Variants in ATG10 observed in about 807,000 individuals in gnomAD.
ATG10 encodes autophagy related 10.
Under a neutral mutation model 32.1 loss-of-function variants are expected in ATG10, and 30 were observed. The observed-to-expected ratio is 0.94, with a 90% CI of 0.70 to 1.27. The LOEUF (loss-of-function observed/expected upper bound fraction) is 1.27. Ranked by LOEUF, ATG10 falls within the 50% of genes most tolerant of loss-of-function variation. ATG10 has a pLI of 0.00. For synonymous variants in ATG10, 87 were observed against 91.5 expected (o/e 0.95, Z 0.28); for missense variants, 233 against 262.3 (o/e 0.89, Z 0.77).
intron 5 of ATG10, among the ~76,000 whole-genome samples, chr5:82,206,496 A>C (rs1413020581): frequency 6.6e-6 from 1 of 151,926 alleles, no homozygotes; most frequent in East Asian, 1.9e-4. Flanking sequence ...AAAAAATACA[A>C]AAAATTAGCC....
intron 5 of ATG10, among the ~76,000 whole-genome samples, chr5:82,194,934 C>G (rs887150165): frequency 5.9e-5 from 9 of 152,194 alleles, no homozygotes; most frequent in Non-Finnish European, 1.3e-4. Context: ...TTAAGCTAAC[C>G]TAGCTAACTT....
intron 2 of ATG10, among the ~76,000 whole-genome samples, chr5:81,989,744 G>A (rs1489178318): frequency 2.6e-5 from 4 of 151,776 alleles, no homozygotes; most frequent in African/African-American, 4.8e-5. Flanking sequence ...GACTACAGGC[G>A]CCCGCCACCA....
chr5:82,137,424 A>T (rs1248043645), intron 3 of ATG10, among the ~76,000 whole-genome samples: 4 of 151,976 alleles, frequency 2.6e-5, no homozygotes, highest in Admixed American at 6.5e-5. Context: ...GTTGATATTG[A>T]TGCTATGTTC....
intron 5 of ATG10, among the ~76,000 whole-genome samples, chr5:82,209,008 C>T (rs896332050): frequency 1.3e-5 from 2 of 151,814 alleles, no homozygotes; most frequent in Non-Finnish European, 2.9e-5. Flanking sequence ...CATATGTTAC[C>T]TTCATAAAAT....
At chr5:82,197,724 A>G (rs561216742) in intron 5 of ATG10, among the ~76,000 whole-genome samples, 1 of 52,748 alleles carries the variant, frequency 1.9e-5, no homozygotes, top group Non-Finnish European at 3.7e-5. Flanking sequence ...CTTTCTTTCT[A>G]TCTATCTATC....
At chr5:82,127,929 G>C (rs1023893119) in intron 3 of ATG10, among the ~76,000 whole-genome samples, 1 of 151,856 alleles carries the variant, frequency 6.6e-6, no homozygotes, top group African/African-American at 2.4e-5. Context: ...TCTCTTTGTA[G>C]GTCTCTAAGA....
At chr5:82,116,067 G>A (rs1581704042) in intron 3 of ATG10, among the ~76,000 whole-genome samples, 1 of 152,194 alleles carries the variant, frequency 6.6e-6, no homozygotes, top group East Asian at 1.9e-4. Flanking sequence ...TTGGCATATA[G>A]TAGACTGACA....
intron 3 of ATG10, among the ~76,000 whole-genome samples, chr5:82,084,219 A>C (rs925774227): frequency 1.3e-5 from 2 of 152,136 alleles, no homozygotes; most frequent in African/African-American, 4.8e-5. Flanking sequence ...ATCAAGTGGA[A>C]GAAAGGGTAT....
At chr5:81,994,683 G>A (rs1761609086) in intron 2 of ATG10, among the ~76,000 whole-genome samples, 1 of 152,120 alleles carries the variant, frequency 6.6e-6, no homozygotes, top group Non-Finnish European at 1.5e-5. Flanking sequence ...TTAATTTTGG[G>A]TAATCAGTTT....
At chr5:82,039,265 A>G (rs1031634357) in intron 2 of ATG10, among the ~76,000 whole-genome samples, 1 of 152,242 alleles carries the variant, frequency 6.6e-6, no homozygotes, top group South Asian at 2.1e-4. Context: ...GATTAGCAAT[A>G]TCATTCATTC....
intron 2 of ATG10, among the ~76,000 whole-genome samples, chr5:82,045,858 T>G (rs1763220370): frequency 6.6e-6 from 1 of 152,058 alleles, no homozygotes; most frequent in African/African-American, 2.4e-5. Flanking sequence ...ATCCAAGAAG[T>G]GAATATTGAA....
At chr5:82,152,921 T>C (rs1460361971) in intron 3 of ATG10, among the ~76,000 whole-genome samples, 1 of 152,212 alleles carries the variant, frequency 6.6e-6, no homozygotes, top group Non-Finnish European at 1.5e-5. Context: ...ATTCCACTTA[T>C]TTATTTCACT....
intron 5 of ATG10, among the ~76,000 whole-genome samples, chr5:82,181,160 C>G (rs560995484): frequency 1.3e-5 from 2 of 152,174 alleles, no homozygotes; most frequent in East Asian, 3.9e-4. Flanking sequence ...GGCTGGGGCT[C>G]ACTTAATAGG....
At chr5:82,246,695 A>G (rs1747051966) in intron 5 of ATG10, among the ~76,000 whole-genome samples, 1 of 152,044 alleles carries the variant, frequency 6.6e-6, no homozygotes, top group Non-Finnish European at 1.5e-5. Flanking sequence ...ATATAATCTT[A>G]TGTCTTTTTT....
chr5:82,075,577 A>C (rs2149773496), intron 3 of ATG10, among the ~76,000 whole-genome samples: 1 of 152,340 alleles, frequency 6.6e-6, no homozygotes, highest in Admixed American at 6.5e-5. Context: ...TCATCACTTA[A>C]TAATGAAAGT....
intron 1 of ATG10, among the ~76,000 whole-genome samples, chr5:81,977,750 T>C (rs950112891): frequency 1.3e-5 from 2 of 152,172 alleles, no homozygotes; most frequent in African/African-American, 4.8e-5. Context: ...ACTCCAAGTT[T>C]TGGAGTCTTC....
chr5:82,094,914 A>G (rs2149796470), intron 3 of ATG10, among the ~76,000 whole-genome samples: 1 of 152,280 alleles, frequency 6.6e-6, no homozygotes, highest in East Asian at 1.9e-4. Flanking sequence ...TAGATGATAC[A>G]GTGGAAAATA....
intron 3 of ATG10, among the ~76,000 whole-genome samples, chr5:82,083,954 C>T (rs747646626): frequency 3.9e-4 from 60 of 152,102 alleles, no homozygotes; most frequent in Admixed American, 1.4e-3. Flanking sequence ...TTGCCAGCAA[C>T]GGAACAAAGC....
At chr5:82,216,550 G>C (rs961780344) in intron 5 of ATG10, among the ~76,000 whole-genome samples, 22 of 152,174 alleles carry the variant, frequency 1.4e-4, no homozygotes, top group Admixed American at 4.6e-4. Context: ...TGAGCAACTT[G>C]TGAGACTTCA....
Sources: gnomAD v4.1 joint callset for allele counts (sites outside exome capture counted in the v4.1 genomes callset) on GRCh38, gnomAD v4.1.1 for gene constraint, MANE v1.5 for transcripts, NCBI Gene and HGNC (gene_info 2026-07-23, HGNC 2026-07-21) for gene names.